The following BLOC1S3 variants were observed in gnomAD, a reference collection of about 807,000 sequenced individuals.
BLOC1S3 encodes biogenesis of lysosome-related organelles complex 1 subunit 3.
Under a neutral mutation model 9.1 loss-of-function variants are expected in BLOC1S3, and 7 were observed. That is an observed-to-expected ratio of 0.77 (90% CI 0.44 to 1.45). The LOEUF is 1.45. Among genes scored for constraint, BLOC1S3 ranks in the 40% most tolerant of loss-of-function variants. The pLI, the probability that BLOC1S3 is intolerant of heterozygous loss-of-function variation, is 0.01. For synonymous variants in BLOC1S3, 145 were observed against 158.4 expected, an observed-to-expected ratio of 0.92 and a Z score of 0.64; for missense variants, 307 against 315.2, an observed-to-expected ratio of 0.97 and a Z score of 0.20.
chr19:45,197,506 A>G (rs1412788771), intron 2 of BLOC1S3, among the ~76,000 whole-genome samples: 15 of 150,650 alleles, frequency 1.0e-4, no homozygotes, highest in East Asian at 3.9e-4. Context: ...CACCAAAAAA[A>G]AAGAAGAAGA....
chr19:45,190,772 C>CTTTTA (rs60943621), intron 2 of BLOC1S3, among the ~76,000 whole-genome samples: 18,848 of 94,926 alleles, frequency 0.2, 3,107 homozygotes, highest in Middle Eastern at 0.23. Flanking sequence ...GTCACTGATG[C>CTTTTA]TTTTATTTTA....
At chr19:45,209,193 C>T (rs959745885) in intron 3 of BLOC1S3, among the ~76,000 whole-genome samples, 6 of 151,656 alleles carry the variant, frequency 4.0e-5, no homozygotes, top group African/African-American at 9.7e-5. Context: ...GGATTACAGG[C>T]GAGCACCACC....
Position 45,179,575 on chromosome 19 carries a change from C to G in BLOC1S3, c.279C>G (p.Ala93=), listed in dbSNP as rs1028505180. The G allele has an allele frequency of 6.6e-7, 1 of 1,505,454 alleles. No individual in the cohort carries two copies. Among genetic ancestry groups the G allele is most frequent in the Admixed American group, 2.1e-5 (1 of 48,332 alleles). 93.3% of individuals were successfully genotyped at this position (1,505,454 alleles called of 1,614,324 possible). Residue 93 remains alanine, a synonymous_variant, in exon 2 of 2, where the codon GCC becomes GCG. Coordinates refer to ENST00000433642, the MANE Select transcript of BLOC1S3 (RefSeq NM_212550.5). The surrounding 1 kb of genome is among the most constrained non-coding windows in gnomAD (Gnocchi z 4.6). ...TGCAGCGGGAATCGGCGGAGGAGGCCTGGGGCACGGAGGAGGCCCCGGCGC... is the reference window on the plus strand; with the variant it reads ...TGCAGCGGGAATCGGCGGAGGAGGCGTGGGGCACGGAGGAGGCCCCGGCGC... ...LVVQRESAEE[A]WGTEEAPAPA...
intron 2 of BLOC1S3, among the ~76,000 whole-genome samples, chr19:45,193,130 CTCAAAAAAAA>C (rs1969619123): frequency 2.5e-5 from 1 of 40,684 alleles, no homozygotes; most frequent in Non-Finnish European, 4.9e-5. Flanking sequence ...AAAACTCCGT[CTCAAAAAAAA>C]AAAAAAAAAA....
At chr19:45,183,733 TCTC>T (rs1316033185), downstream of BLOC1S3, among the ~76,000 whole-genome samples, 1 of 148,174 alleles carries the variant, frequency 6.7e-6, no homozygotes, top group Non-Finnish European at 1.5e-5. Flanking sequence ...TTTAAGCAAT[TCTC>T]CTGCTTCAGC....
In BLOC1S3 at chr19:45,179,767, C is replaced by G. The variant is rs1969485951; in HGVS notation, c.471C>G (p.Ala157=). The change falls in exon 2 of 2, where the codon GCC becomes GCG. Residue 157 remains alanine (A), a synonymous_variant. Transcript: ENST00000433642. This position sits in a 1 kb window ranked among gnomAD's most constrained non-coding sequence, Gnocchi z 4.6. ...AAAQAAGLAA[A]HSVRLARGDL... Reference sequence around the variant, plus strand: ...CCCAGGCGGCGGGGCTGGCGGCGGCCCACAGCGTGCGCCTGGCGCGCGGGG... The same window carrying G: ...CCCAGGCGGCGGGGCTGGCGGCGGCGCACAGCGTGCGCCTGGCGCGCGGGG... 1.3e-6 allele frequency: 2 copies of G among 1,519,726 alleles called. No homozygotes were observed. Among genetic ancestry groups the G allele is most frequent in the Non-Finnish European group, 1.8e-6 (2 of 1,140,868 alleles). The allele number at this position is 1,519,726 out of a possible 1,614,324, so 94.1% of individuals were successfully genotyped here. A position where few individuals can be genotyped will look rare whatever the true frequency, so the allele number is the denominator to read the frequency against.
At chr19:45,207,521 A>G (rs1022738888) in intron 3 of BLOC1S3, among the ~76,000 whole-genome samples, 3 of 125,886 alleles carry the variant, frequency 2.4e-5, no homozygotes, top group South Asian at 2.6e-4. Flanking sequence ...TGCACTCCAC[A>G]CTCCAGTGTG....
chr19:45,213,341 C>A, intron 3 of BLOC1S3: 1 of 1,613,448 alleles, frequency 6.2e-7, no homozygotes, highest in Non-Finnish European at 8.5e-7. Flanking sequence ...TCGAGGAGGG[C>A]TGCCACGTGC....
intron 2 of BLOC1S3, among the ~76,000 whole-genome samples, chr19:45,196,306 A>G (rs527274988): frequency 6.6e-6 from 1 of 152,180 alleles, no homozygotes; most frequent in East Asian, 1.9e-4. Context: ...TGAGCCCAGG[A>G]GATGGAGGTT....
At chr19:45,189,728 G>A (rs576493070) in intron 2 of BLOC1S3, among the ~76,000 whole-genome samples, 5 of 151,538 alleles carry the variant, frequency 3.3e-5, no homozygotes, top group South Asian at 2.1e-4. Flanking sequence ...GAGCCACCAC[G>A]CCCGGCAGGT....
At chr19:45,183,623 CTTTTTTTTTTTT>C (rs57651816), downstream of BLOC1S3, among the ~76,000 whole-genome samples, 4 of 105,082 alleles carry the variant, frequency 3.8e-5, no homozygotes, top group East Asian at 1.1e-3. Flanking sequence ...CTTTTCTTTT[CTTTTTTTTTTTT>C]TTTTTTTTTG....
intron 2 of BLOC1S3, among the ~76,000 whole-genome samples, chr19:45,193,159 A>AAAAAG: frequency 6.8e-6 from 1 of 146,512 alleles, no homozygotes; most frequent in Non-Finnish European, 1.5e-5. Context: ...AAAAAAAAAA[A>AAAAAG]AGAGACTATT....
intron 3 of BLOC1S3, among the ~76,000 whole-genome samples, chr19:45,205,457 C>T (rs1969719778): frequency 6.6e-6 from 1 of 152,138 alleles, no homozygotes; most frequent in Non-Finnish European, 1.5e-5. Context: ...GAGCCCTGCA[C>T]CTGGCCAAAA....
intron 2 of BLOC1S3, among the ~76,000 whole-genome samples, chr19:45,191,981 A>G: frequency 6.6e-6 from 1 of 152,150 alleles, no homozygotes; most frequent in African/African-American, 2.4e-5. Context: ...CAGACGGCAA[A>G]TCCAGCCAGG....
At position 45,179,076 on chromosome 19, in the gene BLOC1S3, C is replaced by A; in HGVS notation, c.-9-212C>A. 1 of 479,788 alleles carries A rather than the reference C, an allele frequency of 2.1e-6. No homozygotes were observed. The highest frequency in any genetic ancestry group is 3.5e-6 in the Non-Finnish European group (1 of 287,990). 29.7% of individuals were successfully genotyped at this position (479,788 alleles called of 1,614,324 possible). Reference sequence around the variant, plus strand: ...GCCCCAGATCCTTGTTCGAGCTGGTCTTCAGTTTCCCCATCTGTACGCTGA... The same window carrying A: ...GCCCCAGATCCTTGTTCGAGCTGGTATTCAGTTTCCCCATCTGTACGCTGA... On this transcript the variant is annotated intron_variant, in intron 1 of 1. Coordinates refer to ENST00000433642, the MANE Select transcript of BLOC1S3 (RefSeq NM_212550.5). The surrounding 1 kb of genome is among the most constrained non-coding windows in gnomAD (Gnocchi z 4.6).
intron 3 of BLOC1S3, among the ~76,000 whole-genome samples, chr19:45,204,754 T>C (rs1054702794): frequency 6.6e-6 from 1 of 151,932 alleles, no homozygotes; most frequent in Non-Finnish European, 1.5e-5. Context: ...TTTCCCCAGA[T>C]GGAATCTCAC....
At chr19:45,211,164 A>G (rs1969767218) in intron 3 of BLOC1S3, among the ~76,000 whole-genome samples, 1 of 151,182 alleles carries the variant, frequency 6.6e-6, no homozygotes. Flanking sequence ...TGATTCCTCA[A>G]CTCCTCTCTT....
intron 2 of BLOC1S3, among the ~76,000 whole-genome samples, chr19:45,197,063 G>A (rs1240012842): frequency 6.6e-6 from 1 of 151,952 alleles, no homozygotes. Context: ...GACCTCAGCA[G>A]GTGGGTGGGA....
Position 45,179,504 on chromosome 19 carries a change from G to A in BLOC1S3, c.208G>A (p.Glu70Lys). ...AAETDSEPEP[E>K]PEPTAAPRDL... ...GGAGACCGACTCGGAGCCGGAGCCG[G>A]AGCCGGAACCGACGGCCGCGCCGAG... The change falls in exon 2 of 2, where the codon GAG (glutamate) becomes AAG (lysine). Residue 70 changes from glutamate (E) to lysine (K), a missense_variant. Glu to Lys is a moderately conservative substitution (Grantham distance 56). Coordinates refer to ENST00000433642, the MANE Select transcript of BLOC1S3 (RefSeq NM_212550.5). The surrounding 1 kb of genome is among the most constrained non-coding windows in gnomAD (Gnocchi z 4.6). 6.6e-7 allele frequency: 1 copy of A among 1,523,818 alleles called. No individual in the cohort carries two copies. The highest frequency in any genetic ancestry group is 8.8e-7 in the Non-Finnish European group (1 of 1,142,836). The allele number at this position is 1,523,818 out of a possible 1,614,324, so 94.4% of individuals were successfully genotyped here.
Sources: allele counts gnomAD v4.1 joint callset (sites outside exome capture counted in the v4.1 genomes callset), GRCh38; gene constraint gnomAD v4.1.1; non-coding constraint Gnocchi (gnomAD v3.1); transcripts MANE v1.5; gene names NCBI Gene and HGNC (gene_info 2026-07-23, HGNC 2026-07-21).